The following AUTS2 variants were observed in gnomAD, a reference collection of about 807,000 sequenced individuals.
The protein encoded by AUTS2 is autism susceptibility gene 2 protein.
Under a neutral mutation model 112.4 loss-of-function variants are expected in AUTS2, and 17 were observed. That is an observed-to-expected ratio of 0.15 (90% CI 0.10 to 0.23). The LOEUF (loss-of-function observed/expected upper bound fraction) is 0.23. Among genes scored for constraint, AUTS2 ranks in the 10% least tolerant of loss-of-function variants. AUTS2 has a pLI of 1.00. For missense variants in AUTS2, 1,510 were observed against 1,701.6 expected (o/e 0.89, Z 1.98); for synonymous variants, 751 against 702.7 (o/e 1.07, Z -1.09).
chr7:69,765,756 A>G (rs1788392870), intron 1 of AUTS2, among the ~76,000 whole-genome samples: 1 of 152,158 alleles, frequency 6.6e-6, no homozygotes, highest in Non-Finnish European at 1.5e-5. Flanking sequence ...CCTGGGCAAC[A>G]TGGCAAAACC....
At chr7:70,370,844 T>C (rs897637281) in intron 4 of AUTS2, among the ~76,000 whole-genome samples, 4 of 152,188 alleles carry the variant, frequency 2.6e-5, no homozygotes, top group African/African-American at 4.8e-5. Context: ...TGTTGTCTTT[T>C]TTTTTTTATT....
At position 70,790,279 on chromosome 7, in the gene AUTS2, G is replaced by C; in HGVS notation, c.3063G>C (p.Ser1021=). Residue 1021 remains serine, a synonymous_variant, in exon 19 of 19, where the codon TCG becomes TCC. Transcript: ENST00000342771. This position sits in a 1 kb window ranked among gnomAD's most constrained non-coding sequence, Gnocchi z 7.6. ...GCGTGCACCCGGGGCCCCTGGCCTCGATGCCCATGACGGTGGGGGTGACGG... is the reference window on the plus strand; with the variant it reads ...GCGTGCACCCGGGGCCCCTGGCCTCCATGCCCATGACGGTGGGGGTGACGG... ...SSSVHPGPLA[S]MPMTVGVTGI... The C allele has an allele frequency of 1.2e-6, 2 of 1,613,292 alleles. No individual in the cohort carries two copies. Among genetic ancestry groups the C allele is most frequent in the African/African-American group, 2.7e-5 (2 of 75,056 alleles).
At chr7:70,400,595 C>CT (rs1012948110) in intron 4 of AUTS2, among the ~76,000 whole-genome samples, 1 of 152,128 alleles carries the variant, frequency 6.6e-6, no homozygotes, top group Non-Finnish European at 1.5e-5. Context: ...GCTGAAAAGT[C>CT]GCCTGATGTG....
At chr7:70,363,325 A>G (rs1474802016) in intron 4 of AUTS2, among the ~76,000 whole-genome samples, 1 of 151,952 alleles carries the variant, frequency 6.6e-6, no homozygotes, top group Non-Finnish European at 1.5e-5. Flanking sequence ...AATTATGGAA[A>G]ATCTGAAGCT....
chr7:69,905,863 A>G (rs1795130562), intron 2 of AUTS2, among the ~76,000 whole-genome samples: 2 of 152,244 alleles, frequency 1.3e-5, no homozygotes, highest in South Asian at 4.1e-4. Context: ...GGGAAAAGGA[A>G]CTGCAATGAA....
At chr7:69,807,942 T>G (rs1215090692) in intron 1 of AUTS2, among the ~76,000 whole-genome samples, 3 of 113,938 alleles carry the variant, frequency 2.6e-5, no homozygotes, top group African/African-American at 1.3e-4. Context: ...GGCCCAAGCT[T>G]TTTTTTTTTT....
intron 5 of AUTS2, among the ~76,000 whole-genome samples, chr7:70,579,178 C>G (rs1413841147): frequency 7.1e-6 from 1 of 140,208 alleles, no homozygotes; most frequent in South Asian, 2.4e-4. Context: ...ATCCACCCAT[C>G]TCGGCCTCCA....
intron 1 of AUTS2, among the ~76,000 whole-genome samples, chr7:69,792,220 C>T (rs1025155123): frequency 5.3e-5 from 8 of 150,418 alleles, no homozygotes; most frequent in Non-Finnish European, 3.0e-5. Context: ...TAGGCAAACA[C>T]GTTAAGTTGT....
intron 5 of AUTS2, among the ~76,000 whole-genome samples, chr7:70,653,426 C>G (rs1806611380): frequency 6.6e-6 from 1 of 152,134 alleles, no homozygotes; most frequent in South Asian, 2.1e-4. Flanking sequence ...TCTCTGTGAT[C>G]CTTACGCCCT....
intron 5 of AUTS2, among the ~76,000 whole-genome samples, chr7:70,441,925 A>G (rs1796137238): frequency 6.6e-6 from 1 of 152,166 alleles, no homozygotes; most frequent in African/African-American, 2.4e-5. Context: ...TTGGTTGGCC[A>G]TGTTTCACAC....
At chr7:70,574,515 C>T (rs969692196) in intron 5 of AUTS2, among the ~76,000 whole-genome samples, 15 of 152,238 alleles carry the variant, frequency 9.9e-5, no homozygotes, top group Admixed American at 9.8e-4. Context: ...CTTTGGCCTA[C>T]ATAGTACAAG....
At chr7:69,973,156 A>G (rs150393146) in intron 2 of AUTS2, among the ~76,000 whole-genome samples, 280 of 152,278 alleles carry the variant, frequency 1.8e-3, no homozygotes, top group Non-Finnish European at 3.1e-3. Context: ...CAAGTCCTAT[A>G]TGAATTAGAT....
intron 1 of AUTS2, among the ~76,000 whole-genome samples, chr7:69,800,107 G>T (rs190301482): frequency 1.3e-5 from 2 of 152,114 alleles, no homozygotes; most frequent in Admixed American, 1.3e-4. Context: ...TGAAACATTC[G>T]AATCAAACCA....
chr7:70,663,565 C>T (rs1171962529), intron 5 of AUTS2, among the ~76,000 whole-genome samples: 1 of 151,828 alleles, frequency 6.6e-6, no homozygotes, highest in Non-Finnish European at 1.5e-5. Flanking sequence ...CCGTTCTTTT[C>T]ATCTCGTGGC....
At chr7:70,052,428 A>G (rs567835400) in intron 2 of AUTS2, among the ~76,000 whole-genome samples, 1 of 152,274 alleles carries the variant, frequency 6.6e-6, no homozygotes, top group Non-Finnish European at 1.5e-5. Flanking sequence ...TATTGTATCC[A>G]TTTTAGAATT....
intron 5 of AUTS2, among the ~76,000 whole-genome samples, chr7:70,648,877 C>T (rs1038400464): frequency 2.6e-5 from 4 of 152,138 alleles, no homozygotes; most frequent in African/African-American, 9.7e-5. Context: ...TGAGCCACCG[C>T]GCCCAGCCCT....
intron 4 of AUTS2, among the ~76,000 whole-genome samples, chr7:70,319,889 AGAATACGTAAATGAAT>A (rs1790172392): frequency 1.3e-5 from 2 of 152,214 alleles, no homozygotes; most frequent in South Asian, 4.1e-4. Context: ...GCCAGACAAA[AGAATACGTAAATGAAT>A]GAATGAATGA....
chr7:69,665,613 C>T (rs894713172), intron 1 of AUTS2, among the ~76,000 whole-genome samples: 1 of 152,146 alleles, frequency 6.6e-6, no homozygotes, highest in African/African-American at 2.4e-5. Context: ...CTGTTTCTTC[C>T]CAGACGGTGC....
chr7:69,736,196 G>A (rs1345589329), intron 1 of AUTS2, among the ~76,000 whole-genome samples: 5 of 152,012 alleles, frequency 3.3e-5, no homozygotes, highest in African/African-American at 1.2e-4. Flanking sequence ...AGTCTGTCTC[G>A]TGATCCATGC....
Sources: allele counts gnomAD v4.1 joint callset (sites outside exome capture counted in the v4.1 genomes callset), GRCh38; gene constraint gnomAD v4.1.1; non-coding constraint Gnocchi (gnomAD v3.1); transcripts MANE v1.5; gene names NCBI Gene and HGNC (gene_info 2026-07-23, HGNC 2026-07-21).